Variants in ROBO1 observed in about 807,000 individuals in gnomAD.
The protein encoded by ROBO1 is roundabout guidance receptor 1, also known as roundabout homolog 1.
In ROBO1, 149 loss-of-function variants were observed where a neutral mutation model predicts 195.9. The observed-to-expected ratio is 0.76, with a 90% CI of 0.67 to 0.87. ROBO1 has a LOEUF of 0.87. Among genes scored for constraint, ROBO1 ranks in the 40% least tolerant of loss-of-function variants. The pLI is 0.00. For synonymous variants in ROBO1, 816 were observed against 733.2 expected (o/e 1.11, Z -1.82); for missense variants, 1,933 against 2,068.3 (o/e 0.93, Z 1.27).
At chr3:79,729,462 T>C (rs1002266082) in intron 1 of ROBO1, among the ~76,000 whole-genome samples, 1 of 152,214 alleles carries the variant, frequency 6.6e-6, no homozygotes, top group Admixed American at 6.5e-5. Context: ...AGTACATATC[T>C]ATTTAAAAAC....
At chr3:79,129,953 CTTGT>C (rs543621518) in intron 2 of ROBO1, among the ~76,000 whole-genome samples, 176 of 126,388 alleles carry the variant, frequency 1.4e-3, no homozygotes, top group Non-Finnish European at 2.5e-3. Context: ...TTCCCCATTG[CTTGT>C]TTTTCTCAGG....
intron 1 of ROBO1, among the ~76,000 whole-genome samples, chr3:79,714,376 T>C (rs578125670): frequency 2.0e-5 from 3 of 152,098 alleles, no homozygotes; most frequent in East Asian, 3.9e-4. Context: ...TGTGGAGAAA[T>C]AGGAACACTT....
intron 2 of ROBO1, among the ~76,000 whole-genome samples, chr3:79,266,009 G>C (rs776112010): frequency 6.6e-6 from 1 of 151,450 alleles, no homozygotes; most frequent in African/African-American, 2.4e-5. Flanking sequence ...TTAGTAATGA[G>C]TACATAAAAT....
At chr3:79,215,473 C>T (rs1341309282) in intron 2 of ROBO1, among the ~76,000 whole-genome samples, 3 of 152,076 alleles carry the variant, frequency 2.0e-5, no homozygotes, top group Non-Finnish European at 2.9e-5. Flanking sequence ...ACCCAACAAA[C>T]GATTTATATG....
intron 4 of ROBO1, among the ~76,000 whole-genome samples, chr3:78,885,906 A>ATT (rs944744315): frequency 9.4e-5 from 8 of 84,880 alleles, no homozygotes; most frequent in African/African-American, 4.5e-4. Flanking sequence ...TGATAGCAAA[A>ATT]TTTTATATAT....
At chr3:79,665,789 A>G (rs1035575570) in intron 1 of ROBO1, among the ~76,000 whole-genome samples, 3 of 151,946 alleles carry the variant, frequency 2.0e-5, no homozygotes, top group Non-Finnish European at 2.9e-5. Flanking sequence ...AGATAAAGAG[A>G]GAAAATTGTG....
At chr3:79,569,176 C>T (rs1943191484) in intron 2 of ROBO1, among the ~76,000 whole-genome samples, 1 of 152,120 alleles carries the variant, frequency 6.6e-6, no homozygotes, top group African/African-American at 2.4e-5. Context: ...TCAAAGTAAC[C>T]TTTAAAGGTA....
chr3:79,759,567 T>C (rs1704582020), intron 1 of ROBO1, among the ~76,000 whole-genome samples: 1 of 152,172 alleles, frequency 6.6e-6, no homozygotes. Flanking sequence ...ACTAAGTAAA[T>C]GACGCTATGC....
intron 2 of ROBO1, among the ~76,000 whole-genome samples, chr3:79,349,526 C>G (rs1438296733): frequency 6.6e-6 from 1 of 152,094 alleles, no homozygotes; most frequent in East Asian, 1.9e-4. Context: ...AACACTCTTG[C>G]AAAGAACAAA....
chr3:79,089,395 G>A (rs987429021), intron 3 of ROBO1, among the ~76,000 whole-genome samples: 15 of 151,924 alleles, frequency 9.9e-5, no homozygotes, highest in African/African-American at 3.1e-4. Context: ...TTTAATAGCC[G>A]ACTAGTCAAT....
At chr3:79,312,464 A>G (rs2033533191) in intron 2 of ROBO1, among the ~76,000 whole-genome samples, 2 of 152,218 alleles carry the variant, frequency 1.3e-5, no homozygotes, top group African/African-American at 2.4e-5. Context: ...AACTACTGAG[A>G]GATAATAATT....
chr3:78,695,175 G>T (rs530430043), intron 8 of ROBO1, among the ~76,000 whole-genome samples: 3 of 151,092 alleles, frequency 2.0e-5, no homozygotes, highest in Non-Finnish European at 4.4e-5. Flanking sequence ...TGTAAATGAC[G>T]AGTTAATGGG....
At chr3:79,608,979 T>A (rs1193615898) in intron 1 of ROBO1, among the ~76,000 whole-genome samples, 2 of 151,976 alleles carry the variant, frequency 1.3e-5, no homozygotes, top group East Asian at 3.9e-4. Flanking sequence ...TTACCTAGGT[T>A]GTTCTTCACT....
At chr3:78,756,723 G>A (rs1423756951) in intron 4 of ROBO1, among the ~76,000 whole-genome samples, 1 of 152,064 alleles carries the variant, frequency 6.6e-6, no homozygotes, top group Non-Finnish European at 1.5e-5. Flanking sequence ...AGTCTAATAT[G>A]CAAAACAAAT....
At chr3:79,718,033 G>T (rs181445086) in intron 1 of ROBO1, among the ~76,000 whole-genome samples, 1 of 152,102 alleles carries the variant, frequency 6.6e-6, no homozygotes, top group East Asian at 1.9e-4. Context: ...AAATTAGGGA[G>T]TGAAAGTGGA....
At chr3:78,668,708 A>G (rs953880235) in intron 11 of ROBO1, 143 bp from the exon 12 acceptor site, 14 of 631,544 alleles carry the variant, frequency 2.2e-5, no homozygotes, top group Non-Finnish European at 3.8e-5. Context: ...TTAGTTGAAT[A>G]TATTTTTATT....
chr3:78,837,123 C>T lies in ROBO1; in HGVS notation c.500-90223G>A, dbSNP rs139086308. On this transcript the variant is annotated intron_variant, in intron 4 of 30. Coordinates refer to ENST00000464233, the MANE Select transcript of ROBO1 (RefSeq NM_002941.4). ...TTTAAATCAATTAATAAATGACATA[C>T]GATAATTAAAACATTAAGTGTTGGT... Among the ~76,000 whole-genome samples, 822 of 152,144 alleles carry T rather than the reference C, an allele frequency of 5.4e-3. 3 individuals carry two copies. Among genetic ancestry groups the T allele is most frequent in the African/African-American group, 0.019 (775 of 41,518 alleles).
At chr3:78,783,193 C>A (rs2083731671) in intron 4 of ROBO1, among the ~76,000 whole-genome samples, 1 of 152,114 alleles carries the variant, frequency 6.6e-6, no homozygotes, top group Non-Finnish European at 1.5e-5. Context: ...CCCCCATTAA[C>A]ATACATTGTA....
intron 2 of ROBO1, among the ~76,000 whole-genome samples, chr3:79,401,463 T>C (rs1438568484): frequency 6.6e-6 from 1 of 151,848 alleles, no homozygotes; most frequent in African/African-American, 2.4e-5. Context: ...GAATAATATT[T>C]AATAATAAAT....
Sources: gnomAD v4.1 joint callset for allele counts (sites outside exome capture counted in the v4.1 genomes callset) on GRCh38, gnomAD v4.1.1 for gene constraint, MANE v1.5 for transcripts, NCBI Gene and HGNC (gene_info 2026-07-23, HGNC 2026-07-21) for gene names.